CXADR: variants seen among roughly 807,000 people sequenced by gnomAD.
CXADR encodes the protein CXADR cell adhesion molecule.
Under a neutral mutation model 40.3 loss-of-function variants are expected in CXADR, and 20 were observed. That is an observed-to-expected ratio of 0.50 (90% CI 0.35 to 0.72). The LOEUF is 0.72. CXADR is among the 30% of genes least tolerant of loss of function. The pLI, the probability that CXADR is intolerant of heterozygous loss-of-function variation, is 0.01. For synonymous variants in CXADR, 150 were observed against 161.3 expected (o/e 0.93, Z 0.53); for missense variants, 332 against 449.1 (o/e 0.74, Z 2.36).
At chr21:17,559,961 C>T (rs1031512993) in intron 4 of CXADR, among the ~76,000 whole-genome samples, 8 of 107,290 alleles carry the variant, frequency 7.5e-5, no homozygotes, top group African/African-American at 1.7e-4. Flanking sequence ...TGGGCCATTG[C>T]GCCTGGCGAA....
chr21:17,571,931 C>T (rs1015717545), downstream of CXADR, among the ~76,000 whole-genome samples: 13 of 152,182 alleles, frequency 8.5e-5, no homozygotes, highest in Admixed American at 8.5e-4. Flanking sequence ...TCCCCACTGC[C>T]TAAGTCTATG....
At chr21:17,529,712 T>C (rs1201150550) in intron 1 of CXADR, among the ~76,000 whole-genome samples, 1 of 152,206 alleles carries the variant, frequency 6.6e-6, no homozygotes, top group African/African-American at 2.4e-5. Flanking sequence ...TGCTTATTCC[T>C]TCAGGTATTC....
intron 6 of CXADR, among the ~76,000 whole-genome samples, chr21:17,563,940 C>CAAAAAAAAAAAGAAAAAA (rs2061162252): frequency 2.7e-5 from 1 of 37,222 alleles, no homozygotes; most frequent in Non-Finnish European, 5.7e-5. Context: ...GACTCTGTCT[C>CAAAAAAAAAAAGAAAAAA]AAAAAAAAAA....
chr21:17,538,251 TG>T (rs1171574722), intron 1 of CXADR, among the ~76,000 whole-genome samples: 13 of 152,054 alleles, frequency 8.5e-5, no homozygotes, highest in African/African-American at 3.1e-4. Context: ...CCGCCTGCCT[TG>T]GCCTCCCACA....
intron 1 of CXADR, among the ~76,000 whole-genome samples, chr21:17,521,046 C>A (rs916899355): frequency 1.3e-5 from 2 of 151,956 alleles, no homozygotes; most frequent in Non-Finnish European, 2.9e-5. Flanking sequence ...TGTTAGGTGG[C>A]GTCTGTATAA....
At chr21:17,565,002 T>C (rs2061183507) in intron 6 of CXADR, among the ~76,000 whole-genome samples, 1 of 152,212 alleles carries the variant, frequency 6.6e-6, no homozygotes, top group East Asian at 1.9e-4. Context: ...CCCAAAGTGC[T>C]GGGATTACAG....
At chr21:17,607,326 G>A in the CXADR span, among the ~76,000 whole-genome samples, 1 of 151,906 alleles carries the variant, frequency 6.6e-6, no homozygotes, top group African/African-American at 2.4e-5. Context: ...TTAAATCAGA[G>A]TAAAAAGCCT....
intron 1 of CXADR, among the ~76,000 whole-genome samples, chr21:17,530,162 A>G (rs2123161961): frequency 8.4e-6 from 1 of 118,974 alleles, no homozygotes; most frequent in African/African-American, 3.0e-5. Context: ...GGGTTTCACC[A>G]TACTGGCCAG....
At chr21:17,594,263 G>T, downstream of CXADR, 1 of 1,613,192 alleles carries the variant, frequency 6.2e-7, no homozygotes, top group Non-Finnish European at 8.5e-7. Context: ...CCATTCCCTC[G>T]ATACATTCCT....
chr21:17,579,891 A>G (rs1037914535), intron 7 of CXADR, among the ~76,000 whole-genome samples: 7 of 152,132 alleles, frequency 4.6e-5, no homozygotes, highest in Non-Finnish European at 8.8e-5. Flanking sequence ...TATTAAAAAA[A>G]AAAACAACCT....
intron 6 of CXADR, among the ~76,000 whole-genome samples, chr21:17,563,241 C>T (rs771957915): frequency 2.6e-5 from 4 of 152,056 alleles, no homozygotes; most frequent in East Asian, 1.9e-4. Flanking sequence ...GAGCTAGGAT[C>T]GCACCACTGC....
chr21:17,610,443 A>C, the CXADR span, among the ~76,000 whole-genome samples: 1 of 152,220 alleles, frequency 6.6e-6, no homozygotes, highest in African/African-American at 2.4e-5. Context: ...AAACTAGTGG[A>C]TCTATCAGGA....
At chr21:17,624,629 A>G in the CXADR span, among the ~76,000 whole-genome samples, 1 of 152,176 alleles carries the variant, frequency 6.6e-6, no homozygotes, top group African/African-American at 2.4e-5. Context: ...TGGATAATCT[A>G]GGATAATCTC....
chr21:17,545,771 G>GTTTTTTTTTTTTT, intron 1 of CXADR, among the ~76,000 whole-genome samples: 1 of 137,066 alleles, frequency 7.3e-6, no homozygotes, highest in African/African-American at 2.5e-5. Flanking sequence ...TCAACTATTT[G>GTTTTTTTTTTTTT]GTTTTTTTTG....
chr21:17,612,338 G>C, the CXADR span: 1 of 152,230 alleles, frequency 6.6e-6, no homozygotes, highest in Non-Finnish European at 1.5e-5. Context: ...CGGAGCTCCA[G>C]AAAAAACACC....
At chr21:17,625,130 G>A in the CXADR span, among the ~76,000 whole-genome samples, 2 of 151,930 alleles carry the variant, frequency 1.3e-5, no homozygotes, top group Non-Finnish European at 2.9e-5. Context: ...ATAAATATTT[G>A]TTGAATCACC....
At chr21:17,529,445 T>C (rs1407994609) in intron 1 of CXADR, among the ~76,000 whole-genome samples, 3 of 152,120 alleles carry the variant, frequency 2.0e-5, no homozygotes, top group Non-Finnish European at 4.4e-5. Flanking sequence ...CTCAACCTGT[T>C]GAACAGCTGG....
chr21:17,625,237 T>TA, the CXADR span, among the ~76,000 whole-genome samples: 1 of 151,854 alleles, frequency 6.6e-6, no homozygotes, highest in South Asian at 2.1e-4. Context: ...TTTTTTTTTT[T>TA]AAACTTATTC....
chr21:17,530,515 G>T (rs2060659917), intron 1 of CXADR: 1 of 442,134 alleles, frequency 2.3e-6, no homozygotes, highest in Non-Finnish European at 4.5e-6. Flanking sequence ...TTGCCATTAT[G>T]AAATAACTAC....
Sources: gnomAD v4.1 joint callset for allele counts (sites outside exome capture counted in the v4.1 genomes callset) on GRCh38, gnomAD v4.1.1 for gene constraint, MANE v1.5 for transcripts, NCBI Gene and HGNC (gene_info 2026-07-23, HGNC 2026-07-21) for gene names.